Variants in OR1J2 observed in about 807,000 individuals in gnomAD.
OR1J2 encodes the protein olfactory receptor 1J2.
For missense variants in OR1J2, 304 were observed against 246.1 expected (o/e 1.24, Z -1.57); for synonymous variants, 142 against 99.7 (o/e 1.42, Z -2.52).
the OR1J2 span, among the ~76,000 whole-genome samples, chr9:122,561,979 C>A: frequency 6.6e-6 from 1 of 152,178 alleles, no homozygotes; most frequent in African/African-American, 2.4e-5. Flanking sequence ...ATGGCCACCC[C>A]TTCTACTAGG....
chr9:122,528,802 G>T, the OR1J2 span, among the ~76,000 whole-genome samples: 48 of 152,264 alleles, frequency 3.2e-4, no homozygotes, highest in African/African-American at 1.1e-3. Context: ...AAGTTCAAAA[G>T]ACCAAAGTGA....
the OR1J2 span, among the ~76,000 whole-genome samples, chr9:122,474,793 A>G: frequency 6.6e-5 from 10 of 151,838 alleles, no homozygotes; most frequent in Admixed American, 6.6e-4. Context: ...TCAGGACTGC[A>G]GTAATTCAGA....
At chr9:122,477,996 A>G in the OR1J2 span, 1 of 1,060,354 alleles carries the variant, frequency 9.4e-7, no homozygotes, top group African/African-American at 1.6e-5. Flanking sequence ...ATAAGAAATG[A>G]TAACTGTGGC....
the OR1J2 span, chr9:122,568,574 T>C: frequency 1.3e-6 from 1 of 758,158 alleles, no homozygotes; most frequent in African/African-American, 1.8e-5. Flanking sequence ...TTGTTTCTTC[T>C]GTTTGGTCAC....
the OR1J2 span, among the ~76,000 whole-genome samples, chr9:122,495,035 G>C: frequency 6.6e-6 from 1 of 152,110 alleles, no homozygotes; most frequent in Non-Finnish European, 1.5e-5. Context: ...AGTTTGTAGG[G>C]TTTCTGTTGA....
chr9:122,536,370 T>A, the OR1J2 span, among the ~76,000 whole-genome samples: 1 of 152,198 alleles, frequency 6.6e-6, no homozygotes, highest in East Asian at 1.9e-4. Flanking sequence ...GTTAATGATG[T>A]CATACTAAAC....
the OR1J2 span, chr9:122,567,394 G>A: frequency 1.8e-6 from 1 of 551,730 alleles, no homozygotes; most frequent in African/African-American, 1.9e-5. Flanking sequence ...GAATTGTTGG[G>A]TCATCATCAA....
chr9:122,541,741 C>G, the OR1J2 span, among the ~76,000 whole-genome samples: 1 of 152,168 alleles, frequency 6.6e-6, no homozygotes, highest in Non-Finnish European at 1.5e-5. Flanking sequence ...GGGGTTTCTT[C>G]CCCAAATTGT....
the OR1J2 span, among the ~76,000 whole-genome samples, chr9:122,558,339 G>A: frequency 2.4e-3 from 48 of 20,168 alleles, no homozygotes; most frequent in African/African-American, 8.8e-3. Context: ...TTTTTTTTTT[G>A]CAAAAGAAGG....
At chr9:122,455,672 A>C in the OR1J2 span, among the ~76,000 whole-genome samples, 2 of 152,190 alleles carry the variant, frequency 1.3e-5, no homozygotes, top group Admixed American at 6.5e-5. Context: ...TCACTCTCAC[A>C]ATATTGTCTT....
chr9:122,530,343 A>G, the OR1J2 span, among the ~76,000 whole-genome samples: 1 of 152,212 alleles, frequency 6.6e-6, no homozygotes, highest in Non-Finnish European at 1.5e-5. Flanking sequence ...ATCCTGAACC[A>G]ATAAACTCAG....
At chr9:122,540,489 A>C in the OR1J2 span, among the ~76,000 whole-genome samples, 1 of 152,034 alleles carries the variant, frequency 6.6e-6, no homozygotes, top group African/African-American at 2.4e-5. Flanking sequence ...CTGTTTTGGT[A>C]CCAGTACCAT....
chr9:122,477,909 C>T, the OR1J2 span: 7 of 1,602,718 alleles, frequency 4.4e-6, no homozygotes, highest in South Asian at 1.1e-5. Context: ...ACACGCTGCT[C>T]TGGTTCTCAG....
chr9:122,528,167 A>G, the OR1J2 span, among the ~76,000 whole-genome samples: 1 of 152,174 alleles, frequency 6.6e-6, no homozygotes, highest in African/African-American at 2.4e-5. Flanking sequence ...TGCCTTTACT[A>G]TCTTTTATAT....
At chr9:122,469,259 T>A in the OR1J2 span, among the ~76,000 whole-genome samples, 5 of 152,322 alleles carry the variant, frequency 3.3e-5, no homozygotes, top group Non-Finnish European at 5.9e-5. Flanking sequence ...TTCCCATGTG[T>A]TGTGGGAGGG....
the OR1J2 span, among the ~76,000 whole-genome samples, chr9:122,501,368 C>T: frequency 6.6e-6 from 1 of 152,090 alleles, no homozygotes; most frequent in Admixed American, 6.6e-5. Context: ...GTGCTGATTG[C>T]TCTTCTCCCA....
At chr9:122,487,553 G>A in the OR1J2 span, among the ~76,000 whole-genome samples, 1 of 151,872 alleles carries the variant, frequency 6.6e-6, no homozygotes, top group African/African-American at 2.4e-5. Context: ...TTCAAATATT[G>A]TCAGCTCCTT....
the OR1J2 span, among the ~76,000 whole-genome samples, chr9:122,492,685 TACTGATTTTACTA>T: frequency 2.6e-5 from 4 of 152,134 alleles, no homozygotes; most frequent in Non-Finnish European, 5.9e-5. Context: ...CATTCCTCTT[TACTGATTTTACTA>T]TTTGTTTCTC....
the OR1J2 span, chr9:122,519,495 G>A: frequency 6.2e-7 from 1 of 1,613,960 alleles, no homozygotes; most frequent in Non-Finnish European, 8.5e-7. Flanking sequence ...CACTTCAATG[G>A]CATACGATCG....
Sources: allele counts gnomAD v4.1 joint callset (sites outside exome capture counted in the v4.1 genomes callset), GRCh38; gene constraint gnomAD v4.1.1; transcripts MANE v1.5; gene names NCBI Gene and HGNC (gene_info 2026-07-23, HGNC 2026-07-21).